MAN2A1: variants seen among roughly 807,000 people sequenced by gnomAD.
MAN2A1 encodes the protein alpha-mannosidase 2.
MAN2A1 carries 76 observed loss-of-function variants against 142.6 expected under a neutral mutation model. That is an observed-to-expected ratio of 0.53 (90% confidence interval 0.44 to 0.65). MAN2A1 has a LOEUF of 0.65. Among genes scored for constraint, MAN2A1 ranks in the 30% least tolerant of loss-of-function variants. The pLI, the probability that MAN2A1 is intolerant of heterozygous loss-of-function variation, is 0.00. For synonymous variants in MAN2A1, 559 were observed against 473.2 expected (o/e 1.18, Z -2.35); for missense variants, 1,311 against 1,365.1 (o/e 0.96, Z 0.62).
intron 12 of MAN2A1, among the ~76,000 whole-genome samples, chr5:109,805,328 A>T (rs1394069396): frequency 1.3e-5 from 2 of 152,230 alleles, no homozygotes; most frequent in Non-Finnish European, 2.9e-5. Context: ...AAAATTTTTC[A>T]ATCTTTTCTT....
In MAN2A1 at chr5:109,842,322, AT is replaced by A. The variant is rs775685000; in HGVS notation, c.2567-3del. On this transcript the variant is annotated splice_region_variant and splice_polypyrimidine_tract_variant and intron_variant, in intron 16 of 21. Coordinates refer to ENST00000261483, the MANE Select transcript of MAN2A1 (RefSeq NM_002372.4). ...TATTAATCCATATATATTTTTTTAA[AT>A]TTAGGAATAGAAGGACAGTCTGTGG... 6.6e-7 allele frequency: 1 copy of A among 1,512,138 alleles called. No homozygotes were observed. Among genetic ancestry groups the A allele is most frequent in the South Asian group, 1.2e-5 (1 of 80,016 alleles). 93.7% of individuals were successfully genotyped at this position (1,512,138 alleles called of 1,614,324 possible).
intron 1 of MAN2A1, among the ~76,000 whole-genome samples, chr5:109,698,992 T>C (rs554234905): frequency 6.6e-6 from 1 of 152,294 alleles, no homozygotes; most frequent in South Asian, 2.1e-4. Flanking sequence ...TTTTGAGCTA[T>C]TGTTTCCCTT....
chr5:109,719,714 G>A (rs1359418600), intron 3 of MAN2A1, among the ~76,000 whole-genome samples: 2 of 152,068 alleles, frequency 1.3e-5, no homozygotes, highest in Non-Finnish European at 2.9e-5. Flanking sequence ...TCTATATTTA[G>A]TTCCCCAACT....
In MAN2A1 at chr5:109,840,530, T is replaced by A. The variant is rs377407885; in HGVS notation, c.2567-1798T>A. On this transcript the variant is annotated intron_variant, in intron 16 of 21. Coordinates refer to ENST00000261483, the MANE Select transcript of MAN2A1 (RefSeq NM_002372.4). ...ATCTCCTGCCATAAGCTTCTTTTCCTTGGACATGGCAGAGCCTCCAATAAG... is the reference window on the plus strand; with the variant it reads ...ATCTCCTGCCATAAGCTTCTTTTCCATGGACATGGCAGAGCCTCCAATAAG... The A allele has an allele frequency of 3.3e-5, 17 of 507,862 alleles. 1 individual carries two copies. Among genetic ancestry groups the A allele is most frequent in the Admixed American group, 8.1e-5 (4 of 49,328 alleles). The allele number at this position is 507,862 out of a possible 1,614,324, so 31.5% of individuals were successfully genotyped here.
At chr5:109,740,980 T>C (rs1047740598) in intron 4 of MAN2A1, among the ~76,000 whole-genome samples, 6 of 152,134 alleles carry the variant, frequency 3.9e-5, no homozygotes, top group East Asian at 1.9e-4. Context: ...ACTTTTGATA[T>C]ACAAAAATGG....
intron 21 of MAN2A1, chr5:109,865,467 A>G: frequency 3.3e-6 from 1 of 305,716 alleles, no homozygotes; most frequent in Non-Finnish European, 6.3e-6. Context: ...TGAACCACAC[A>G]TGCTCACATA....
At chr5:109,717,851 A>G (rs139589528) in intron 3 of MAN2A1, among the ~76,000 whole-genome samples, 16 of 152,332 alleles carry the variant, frequency 1.1e-4, no homozygotes, top group Non-Finnish European at 2.2e-4. Flanking sequence ...ATTACATGTA[A>G]TCCAAATTTC....
At chr5:109,833,298 C>G (rs951095088) in intron 16 of MAN2A1, among the ~76,000 whole-genome samples, 2 of 152,126 alleles carry the variant, frequency 1.3e-5, no homozygotes, top group Admixed American at 6.5e-5. Flanking sequence ...AATCTCGGCA[C>G]TTTGGGAGGC....
At chr5:109,792,396 C>T (rs1753758803) in intron 12 of MAN2A1, among the ~76,000 whole-genome samples, 1 of 151,892 alleles carries the variant, frequency 6.6e-6, no homozygotes, top group African/African-American at 2.4e-5. Context: ...TGAATTACTT[C>T]AACAGCTTCT....
At chr5:109,841,148 T>TA (rs1301139673) in intron 16 of MAN2A1, among the ~76,000 whole-genome samples, 1 of 152,102 alleles carries the variant, frequency 6.6e-6, no homozygotes, top group East Asian at 1.9e-4. Context: ...GCACCGTTTT[T>TA]AAAAAAAATT....
chr5:109,735,886 T>TTG (rs1349651299), intron 4 of MAN2A1, among the ~76,000 whole-genome samples: 3 of 148,380 alleles, frequency 2.0e-5, no homozygotes, highest in Non-Finnish European at 4.5e-5. Flanking sequence ...GAGTTTTTTT[T>TTG]TTTTTTTTTT....
At chr5:109,721,319 G>C (rs1461102414) in intron 3 of MAN2A1, among the ~76,000 whole-genome samples, 1 of 151,964 alleles carries the variant, frequency 6.6e-6, no homozygotes, top group African/African-American at 2.4e-5. Flanking sequence ...TTGTGTTGTA[G>C]GCATTAGCTA....
intron 5 of MAN2A1, among the ~76,000 whole-genome samples, chr5:109,765,717 A>G (rs1752971349): frequency 6.6e-6 from 1 of 151,732 alleles, no homozygotes; most frequent in South Asian, 2.1e-4. Context: ...TTTTCTGTTT[A>G]TTTATTTATA....
intron 12 of MAN2A1, among the ~76,000 whole-genome samples, 168 bp from the exon 13 acceptor site, chr5:109,817,105 G>T (rs6871227): frequency 0.17 from 26,021 of 152,096 alleles, 3,208 homozygotes; most frequent in East Asian, 0.64. Context: ...GGTTGAGACT[G>T]CAGTGAGCTA....
At chr5:109,834,202 T>C (rs926814422) in intron 16 of MAN2A1, among the ~76,000 whole-genome samples, 1 of 152,162 alleles carries the variant, frequency 6.6e-6, no homozygotes, top group Non-Finnish European at 1.5e-5. Context: ...TCAAATATCA[T>C]GATTAGTTCA....
intron 4 of MAN2A1, among the ~76,000 whole-genome samples, chr5:109,754,555 T>C (rs1752629944): frequency 1.3e-5 from 2 of 152,240 alleles, no homozygotes; most frequent in Non-Finnish European, 2.9e-5. Flanking sequence ...GATCAACTTA[T>C]CAGTGTCAGA....
chr5:109,731,267 C>CTT (rs553119283), intron 4 of MAN2A1, among the ~76,000 whole-genome samples: 1 of 143,490 alleles, frequency 7.0e-6, no homozygotes, highest in Non-Finnish European at 1.5e-5. Flanking sequence ...ATACATTATT[C>CTT]TTTTTTTTTT....
intron 16 of MAN2A1, among the ~76,000 whole-genome samples, chr5:109,830,435 ATCT>A (rs1754877900): frequency 6.6e-6 from 1 of 152,188 alleles, no homozygotes; most frequent in African/African-American, 2.4e-5. Context: ...TTCTAAATTC[ATCT>A]TCTACACTTG....
chr5:109,753,892 A>G (rs1388744662), intron 4 of MAN2A1, among the ~76,000 whole-genome samples: 1 of 148,766 alleles, frequency 6.7e-6, no homozygotes, highest in Non-Finnish European at 1.5e-5. Context: ...TACTTGCTCA[A>G]TTTTTTTTTC....
Sources: allele counts gnomAD v4.1 joint callset (sites outside exome capture counted in the v4.1 genomes callset), GRCh38; gene constraint gnomAD v4.1.1; transcripts MANE v1.5; gene names NCBI Gene and HGNC (gene_info 2026-07-23, HGNC 2026-07-21).